MCM3AP: variants seen among roughly 807,000 people sequenced by gnomAD.
The protein encoded by MCM3AP is germinal-center associated nuclear protein.
MCM3AP carries 126 observed loss-of-function variants against 184.1 expected under a neutral mutation model. That is an observed-to-expected ratio of 0.68 (90% CI 0.59 to 0.79). The LOEUF (loss-of-function observed/expected upper bound fraction) is 0.79. Among genes scored for constraint, MCM3AP ranks in the 30% least tolerant of loss-of-function variants. MCM3AP has a pLI of 0.00. For missense variants in MCM3AP, 2,496 were observed against 2,479.2 expected, an observed-to-expected ratio of 1.01 and a Z score of -0.14; for synonymous variants, 1,002 against 979.3, an observed-to-expected ratio of 1.02 and a Z score of -0.43.
intron 18 of MCM3AP, 110 bp downstream of exon 18, chr21:46,254,666 G>A: frequency 5.6e-6 from 8 of 1,417,400 alleles, no homozygotes; most frequent in Non-Finnish European, 7.9e-6. Flanking sequence ...ACCAAGTCTG[G>A]AGCTCATCGA....
At position 46,264,236 on chromosome 21, in the gene MCM3AP, G is replaced by A. The variant is rs17182878; in HGVS notation, c.3235-19C>T. On this transcript the variant is annotated intron_variant, in intron 12 of 27. Coordinates refer to ENST00000291688, the MANE Select transcript of MCM3AP (RefSeq NM_003906.5). ...CCAGGTCCTGTGGAGAGACCAGCAT[G>A]GGGTGTAATGGAACGTCCCACCCAG... 1,778 of 1,517,430 alleles carry A rather than the reference G, an allele frequency of 1.2e-3. 28 individuals are homozygous for A. The African/African-American group carries it at 0.022, about 19-fold the overall frequency. The allele number at this position is 1,517,430 out of a possible 1,614,324, so 94.0% of individuals were successfully genotyped here.
chr21:46,272,898 T>G (rs1414993100), intron 7 of MCM3AP, 69 bp from the exon 8 acceptor site: 11 of 1,402,344 alleles, frequency 7.8e-6, no homozygotes, highest in Non-Finnish European at 9.7e-6. Context: ...AGAAGGATCA[T>G]GCTACGACCT....
intron 3 of MCM3AP, 142 bp from the exon 4 acceptor site, chr21:46,280,279 T>A: frequency 9.8e-7 from 1 of 1,023,698 alleles, no homozygotes; most frequent in Non-Finnish European, 1.5e-6. Context: ...AACTGTGAGA[T>A]GCAAATCCAC....
At chr21:46,243,315 A>T in intron 24 of MCM3AP, 150 bp downstream of exon 24, 1 of 958,370 alleles carries the variant, frequency 1.0e-6, no homozygotes, top group Non-Finnish European at 1.6e-6. Flanking sequence ...AATGTTTTTA[A>T]GTCACTCACT....
chr21:46,243,258 T>G lies in MCM3AP; in HGVS notation c.5296+207A>C, dbSNP rs568558882. On this transcript the variant is annotated intron_variant, in intron 24 of 27. Coordinates refer to ENST00000291688, the MANE Select transcript of MCM3AP (RefSeq NM_003906.5). ...TAAGAGCCATCCTAGGGGGCCTGTT[T>G]CAGGGAGGTGAGTTCAGGCTCTACC... 1.0e-4 allele frequency: 72 copies of G among 688,548 alleles called. No homozygotes were observed. The African/African-American group carries it at 1.1e-3, about 10-fold the overall frequency. The allele number at this position is 688,548 out of a possible 1,614,324, so 42.7% of individuals were successfully genotyped here.
In MCM3AP at chr21:46,246,846, A is replaced by C; in HGVS notation, c.4331T>G (p.Val1444Gly). The change falls in exon 21 of 28, where the codon GTG becomes GGG. Residue 1444 changes from valine (V) to glycine (G), a missense_variant. This residue lies in a region of MCM3AP where 1,323 missense variants were observed against 1,273.4 expected (regional missense o/e 1.04). Coordinates refer to ENST00000291688, the MANE Select transcript of MCM3AP (RefSeq NM_003906.5). Reference protein sequence around the residue: ...GALSDGAIDAVETQKDLLGAS... With the variant: ...GALSDGAIDAGETQKDLLGAS... ...TCCCAGGAGGTCCTTCTGTGTCTCCACAGCATCAATGGCACCATCACTGAG... is the reference window on the plus strand; with the variant it reads ...TCCCAGGAGGTCCTTCTGTGTCTCCCCAGCATCAATGGCACCATCACTGAG... 6.2e-7 allele frequency: 1 copy of C among 1,614,154 alleles called. No individual in the cohort carries two copies. Among genetic ancestry groups the C allele is most frequent in the Non-Finnish European group, 8.5e-7 (1 of 1,180,012 alleles).
At chr21:46,273,972 G>A (rs2081222974) in intron 6 of MCM3AP, among the ~76,000 whole-genome samples, 1 of 152,236 alleles carries the variant, frequency 6.6e-6, no homozygotes, top group Non-Finnish European at 1.5e-5. Context: ...GACAGGCGGT[G>A]AGGACTGCTG....
In MCM3AP at chr21:46,251,455, T is replaced by C. The variant is rs185997909; in HGVS notation, c.4290+74A>G. 566 of 1,286,864 alleles carry C rather than the reference T, an allele frequency of 4.4e-4. 2 individuals carry two copies. In the African/African-American group the frequency reaches 6.5e-3, roughly 15 times the overall value. 79.7% of individuals were successfully genotyped at this position (1,286,864 alleles called of 1,614,324 possible). A position where few individuals can be genotyped will look rare whatever the true frequency, so the allele number is the denominator to read the frequency against. ...CATTAGGGAATAAGCAGTATTTGCA[T>C]GGTTCCAGTGATATCTGGGAGTAAG... On this transcript the variant is annotated intron_variant, in intron 20 of 27. Coordinates refer to ENST00000291688, the MANE Select transcript of MCM3AP (RefSeq NM_003906.5).
chr21:46,246,628 C>T lies in MCM3AP; in HGVS notation c.4549G>A (p.Gly1517Ser). ...CATAAACGAGACTTCCTTCACAAAC[C>T]ATCTTCTACTTCCTTCTCAACGGCG... Reference protein sequence around the residue: ...GDAVEKEVEDGLMLQDLVSAK... With the variant: ...GDAVEKEVEDSLMLQDLVSAK... The change falls in exon 21 of 28, where the codon GGT becomes AGT. Residue 1517 changes from glycine to serine, a missense_variant and splice_region_variant. Physicochemically the swap from Gly to Ser is moderately conservative, Grantham distance 56 (BLOSUM62 0). Coordinates refer to ENST00000291688, the MANE Select transcript of MCM3AP (RefSeq NM_003906.5). The T allele has an allele frequency of 6.2e-7, 1 of 1,607,916 alleles. No homozygotes were observed. Among genetic ancestry groups the T allele is most frequent in the East Asian group, 2.2e-5 (1 of 44,724 alleles).
intron 15 of MCM3AP, among the ~76,000 whole-genome samples, chr21:46,259,904 CAAAAA>C (rs58993039): frequency 2.4e-4 from 19 of 80,268 alleles, no homozygotes; most frequent in African/African-American, 8.9e-4. Context: ...AACTCCATTT[CAAAAA>C]AAAAAAAAAA....
chr21:46,248,798 T>C lies in MCM3AP; in HGVS notation c.4291-1912A>G, dbSNP rs564926318. Among the ~76,000 whole-genome samples the C allele has an allele frequency of 1.7e-4, 26 of 151,838 alleles. No homozygotes were observed. In the Middle Eastern group the frequency reaches 0.014, roughly 79 times the overall value. ...TGGAATAAAAAATTCAGTAGGACAA[T>C]TGGAAAATAAAGTCAAGGAACTCTT... On this transcript the variant is annotated intron_variant, in intron 20 of 27. Coordinates refer to ENST00000291688, the MANE Select transcript of MCM3AP (RefSeq NM_003906.5).
chr21:46,257,771 C>A (rs1172406073), intron 16 of MCM3AP, among the ~76,000 whole-genome samples: 4 of 151,222 alleles, frequency 2.6e-5, no homozygotes. Context: ...ATAAAAAAAA[C>A]AAAATTAGCC....
chr21:46,280,020 G>C lies in MCM3AP; in HGVS notation c.1640C>G (p.Thr547Ser), dbSNP rs2081310723. The C allele has an allele frequency of 3.1e-6, 5 of 1,613,838 alleles. No homozygotes were observed. Among genetic ancestry groups the C allele is most frequent in the Non-Finnish European group, 4.2e-6 (5 of 1,179,910 alleles). ...HSPLGKAAGRTGASSLLNKSS... is the reference protein window; with the variant it reads ...HSPLGKAAGRSGASSLLNKSS... ...TTTATTCAGGAGGCTGCTAGCACCA[G>C]TCCTCCCTGCGGCCTTGCCAAGAGG... Residue 547 changes from threonine to serine, a missense_variant, in exon 4 of 28, where the codon ACT (threonine) becomes AGT (serine). Coordinates refer to ENST00000291688, the MANE Select transcript of MCM3AP (RefSeq NM_003906.5).
chr21:46,251,446 G>C (rs913980164), intron 20 of MCM3AP, 83 bp downstream of exon 20: 23 of 1,176,430 alleles, frequency 2.0e-5, no homozygotes, highest in Non-Finnish European at 2.6e-5. Context: ...GGAATAAGCA[G>C]TATTTGCATG....
At chr21:46,266,504 G>A (rs2081114499) in intron 10 of MCM3AP, 2 of 247,636 alleles carry the variant, frequency 8.1e-6, no homozygotes, top group Admixed American at 5.3e-5. Flanking sequence ...GGAGGCAGGT[G>A]AGGAGTTAGA....
Position 46,244,975 on chromosome 21 carries a change from A to G in MCM3AP, c.4870T>C (p.Ser1624Pro). Residue 1624 changes from serine (S) to proline (P), a missense_variant, in exon 23 of 28, where the codon TCC becomes CCC. Ser to Pro is a moderately conservative substitution (Grantham distance 74). This residue lies in a region of MCM3AP where 1,323 missense variants were observed against 1,273.4 expected (regional missense o/e 1.04). Transcript: ENST00000291688. ...SVLQFLASVV[S>P]SEQLCDLSWP... ...GACAGGTCACACAGCTGTTCAGAGG[A>G]CACCACAGAAGCCAGGAACTGCAGC... 1 of 1,614,240 alleles carries G rather than the reference A, an allele frequency of 6.2e-7. No homozygotes were observed. The highest frequency in any genetic ancestry group is 8.5e-7 in the Non-Finnish European group (1 of 1,180,052).
rs533996322 is a variant in MCM3AP, at chr21:46,276,602, C to T, written c.1858+925G>A. Among the ~76,000 whole-genome samples, 570 of 152,140 alleles carry T rather than the reference C, an allele frequency of 3.7e-3. 1 individual carries two copies. The highest frequency in any genetic ancestry group is 0.013 in the African/African-American group (528 of 41,500). On this transcript the variant is annotated intron_variant, in intron 5 of 27. Transcript: ENST00000291688. ...GATTACAGGCATGTGCCACCACGCCCGGCTAATTTTGTCTTTTTAGTAGAG... is the reference window on the plus strand; with the variant it reads ...GATTACAGGCATGTGCCACCACGCCTGGCTAATTTTGTCTTTTTAGTAGAG...
chr21:46,249,727 C>A, intron 20 of MCM3AP: 2 of 390,930 alleles, frequency 5.1e-6, no homozygotes, highest in South Asian at 3.9e-5. Flanking sequence ...TGAGCAAGCA[C>A]CTGGCCTGTG....
At chr21:46,274,719 T>C (rs182281700) in intron 6 of MCM3AP, among the ~76,000 whole-genome samples, 134 of 152,114 alleles carry the variant, frequency 8.8e-4, no homozygotes, top group Non-Finnish European at 1.3e-3. Context: ...GCAGATGACT[T>C]GAGCTTAGGA....
Sources: allele counts gnomAD v4.1 joint callset (sites outside exome capture counted in the v4.1 genomes callset), GRCh38; gene constraint gnomAD v4.1.1; regional missense constraint gnomAD v4.1.1; transcripts MANE v1.5; gene names NCBI Gene and HGNC (gene_info 2026-07-23, HGNC 2026-07-21).